Variants in TENM4 observed in about 807,000 individuals in gnomAD.
TENM4 encodes teneurin-4.
A neutral mutation model predicts 243.3 loss-of-function variants in TENM4; 82 were observed. The observed-to-expected ratio is 0.34, with a 90% CI of 0.28 to 0.40. TENM4 has a LOEUF of 0.40. Among genes scored for constraint, TENM4 ranks in the 10% least tolerant of loss-of-function variants. TENM4 has a pLI of 1.00. For synonymous variants in TENM4, 1,412 were observed against 1,456.3 expected (o/e 0.97, Z 0.69); for missense variants, 3,138 against 3,673.3 (o/e 0.85, Z 3.77).
chr11:79,070,467 G>T (rs968920915), intron 4 of TENM4, among the ~76,000 whole-genome samples: 1 of 152,104 alleles, frequency 6.6e-6, no homozygotes, highest in Non-Finnish European at 1.5e-5. Flanking sequence ...AGTAAATCTT[G>T]ATATCTTCTG....
At chr11:79,235,295 A>G (rs1040475988) in intron 2 of TENM4, among the ~76,000 whole-genome samples, 8 of 152,064 alleles carry the variant, frequency 5.3e-5, no homozygotes, top group African/African-American at 1.9e-4. Flanking sequence ...AGCCTGGGTG[A>G]CAAGGTGAGA....
At chr11:79,031,687 A>G (rs1371244284) in intron 6 of TENM4, among the ~76,000 whole-genome samples, 1 of 152,158 alleles carries the variant, frequency 6.6e-6, no homozygotes, top group African/African-American at 2.4e-5. Context: ...GGGACTTGTG[A>G]GGCGGGCACA....
chr11:79,047,048 T>C (rs1859676060), intron 6 of TENM4, among the ~76,000 whole-genome samples: 1 of 152,208 alleles, frequency 6.6e-6, no homozygotes, highest in Non-Finnish European at 1.5e-5. Context: ...AGATAAACCA[T>C]GGCTTTGCCA....
intron 1 of TENM4, among the ~76,000 whole-genome samples, chr11:79,416,073 T>C (rs1192008918): frequency 6.6e-6 from 1 of 152,228 alleles, no homozygotes; most frequent in Non-Finnish European, 1.5e-5. Context: ...CAAGAATTTA[T>C]TCCTTTTTCA....
chr11:79,128,578 A>G (rs111285337), intron 4 of TENM4, among the ~76,000 whole-genome samples: 67 of 152,312 alleles, frequency 4.4e-4, no homozygotes, highest in Middle Eastern at 6.8e-3. Context: ...CAGTTGACAG[A>G]AGAAGAGAAG....
intron 9 of TENM4, among the ~76,000 whole-genome samples, chr11:78,887,030 T>C (rs558737750): frequency 6.6e-6 from 1 of 152,188 alleles, no homozygotes; most frequent in African/African-American, 2.4e-5. Context: ...TACCCTTACC[T>C]TTCTAAAATA....
At chr11:78,941,827 A>G (rs551683510) in intron 6 of TENM4, among the ~76,000 whole-genome samples, 4 of 152,294 alleles carry the variant, frequency 2.6e-5, no homozygotes, top group Non-Finnish European at 2.9e-5. Context: ...GCCTGTCTGT[A>G]ATCAGATTTC....
At chr11:78,924,011 C>T (rs1464785316) in intron 6 of TENM4, among the ~76,000 whole-genome samples, 1 of 151,430 alleles carries the variant, frequency 6.6e-6, no homozygotes, top group African/African-American at 2.4e-5. Flanking sequence ...CCTGCCACCA[C>T]GCCTGGCTTA....
chr11:78,934,048 G>A (rs1856729028), intron 6 of TENM4, among the ~76,000 whole-genome samples: 1 of 152,094 alleles, frequency 6.6e-6, no homozygotes, highest in Non-Finnish European at 1.5e-5. Context: ...CCCCTCAAAT[G>A]GGCAGTACTC....
At chr11:79,310,824 A>C (rs1856707152) in intron 1 of TENM4, among the ~76,000 whole-genome samples, 1 of 152,200 alleles carries the variant, frequency 6.6e-6, no homozygotes, top group South Asian at 2.1e-4. Flanking sequence ...GGGATGGCTG[A>C]TGCTTTCTAG....
chr11:79,187,238 C>T lies in TENM4; in HGVS notation c.-163+28570G>A, dbSNP rs544210015. Among the ~76,000 whole-genome samples, 3 of 152,270 alleles carry T rather than the reference C, an allele frequency of 2.0e-5. No individual in the cohort carries two copies. The South Asian group carries it at 6.2e-4, about 32-fold the overall frequency. On this transcript the variant is annotated intron_variant, in intron 3 of 33. Coordinates refer to ENST00000278550, the MANE Select transcript of TENM4 (RefSeq NM_001098816.3). Reference sequence around the variant, plus strand: ...TTCAAGATAGAGTAGTTACAATAATCCTTTCCACTGGGGATAAAGGGAAAA... The same window carrying T: ...TTCAAGATAGAGTAGTTACAATAATTCTTTCCACTGGGGATAAAGGGAAAA...
chr11:79,360,655 A>T (rs1430750140), intron 1 of TENM4, among the ~76,000 whole-genome samples: 3 of 152,216 alleles, frequency 2.0e-5, no homozygotes, highest in Admixed American at 2.0e-4. Flanking sequence ...TCTGTTTGGT[A>T]TTTTAATAGA....
At position 78,657,019 on chromosome 11, in the gene TENM4, T is replaced by C. The variant is rs1857911902; in HGVS notation, c.*1039A>G. 1.5e-5 allele frequency: 6 copies of C among 398,642 alleles called. No individual in the cohort carries two copies. The South Asian group carries it at 5.1e-4, about 34-fold the overall frequency. 24.7% of individuals were successfully genotyped at this position (398,642 alleles called of 1,614,324 possible). A position where few individuals can be genotyped will look rare whatever the true frequency, so the allele number is the denominator to read the frequency against. On this transcript the variant is annotated 3_prime_UTR_variant, in exon 34 of 34. Transcript: ENST00000278550. The stretch of plus-strand genomic sequence containing the variant: ...TGGCGGCTGAGTGGTGGAGGGAAGA[T>C]ACTCAAAGTCATAGAGAGAGGGCTT...
chr11:79,396,070 C>G (rs1361351114), intron 1 of TENM4, among the ~76,000 whole-genome samples: 1 of 152,198 alleles, frequency 6.6e-6, no homozygotes, highest in Non-Finnish European at 1.5e-5. Flanking sequence ...CACCTTTGCT[C>G]AGACCTTCCC....
intron 6 of TENM4, among the ~76,000 whole-genome samples, chr11:79,044,368 C>T (rs1011626638): frequency 6.6e-6 from 1 of 152,168 alleles, no homozygotes; most frequent in Non-Finnish European, 1.5e-5. Flanking sequence ...TCTAGCTAAT[C>T]AGGTCAGAGG....
intron 19 of TENM4, among the ~76,000 whole-genome samples, chr11:78,743,691 C>T (rs968375537): frequency 6.6e-6 from 1 of 152,150 alleles, no homozygotes; most frequent in Non-Finnish European, 1.5e-5. Context: ...TCTATACCCT[C>T]CTCATCTGTA....
At chr11:78,875,882 T>C (rs1029157785) in intron 9 of TENM4, among the ~76,000 whole-genome samples, 4 of 152,182 alleles carry the variant, frequency 2.6e-5, no homozygotes, top group African/African-American at 9.6e-5. Flanking sequence ...TATTTGTGTG[T>C]GCTGTTACAT....
intron 9 of TENM4, among the ~76,000 whole-genome samples, chr11:78,867,595 C>A (rs1859014826): frequency 6.6e-6 from 1 of 152,160 alleles, no homozygotes. Flanking sequence ...TACATATGAT[C>A]GAGTGGCCTC....
At chr11:79,132,639 G>A (rs1305737300) in intron 4 of TENM4, among the ~76,000 whole-genome samples, 2 of 151,724 alleles carry the variant, frequency 1.3e-5, no homozygotes, top group East Asian at 1.9e-4. Flanking sequence ...AAATTATATC[G>A]AGCTCTGTCT....
Sources: allele counts gnomAD v4.1 joint callset (sites outside exome capture counted in the v4.1 genomes callset), GRCh38; gene constraint gnomAD v4.1.1; transcripts MANE v1.5; gene names NCBI Gene and HGNC (gene_info 2026-07-23, HGNC 2026-07-21).